The following C6orf52 variants were observed in gnomAD, a reference collection of about 807,000 sequenced individuals.
The protein encoded by C6orf52 is chromosome 6 open reading frame 52, also known as putative uncharacterized protein C6orf52.
A neutral mutation model predicts 16.6 loss-of-function variants in C6orf52; 16 were observed. The ratio of observed to expected loss-of-function variants is 0.96; its 90% CI spans 0.65 to 1.46. The LOEUF is 1.46. Ranked by LOEUF, C6orf52 falls within the 40% of genes most tolerant of loss-of-function variation. The probability of loss-of-function intolerance (pLI) is 0.00; values close to 1 mark genes in which losing one functional copy is unlikely to be tolerated. For missense variants in C6orf52, 166 were observed against 182.3 expected (o/e 0.91, Z 0.52); for synonymous variants, 53 against 61.4 (o/e 0.86, Z 0.64).
chr6:10,683,465 C>A (rs992504779), intron 3 of C6orf52, among the ~76,000 whole-genome samples: 2 of 152,154 alleles, frequency 1.3e-5, no homozygotes, highest in African/African-American at 4.8e-5. Flanking sequence ...CAAAGAGGAA[C>A]AAGCCTAACG....
chr6:10,694,196 G>A lies in C6orf52; in HGVS notation c.-12+298C>T, dbSNP rs1392709763. 2.7e-5 allele frequency among the ~76,000 whole-genome samples: 4 copies of A among 150,336 alleles called. No individual in the cohort carries two copies. The East Asian group carries it at 5.9e-4, about 22-fold the overall frequency. On this transcript the variant is annotated intron_variant, in intron 1 of 4. Transcript: ENST00000259983. ...AATTGCTTGAACCCGGGAGGCAGAG[G>A]TTGCGGTGAGCCGAAATCGCGCCAC...
rs1015089377 is a variant in C6orf52, at chr6:10,671,482, C to T, written c.433G>A (p.Glu145Lys). ...CACTTCGGGGTCTCATCTGGGATTT[C>T]GGAGTGAACTGTGTCCAGAGGCTGC... ...HWQPLDTVHS[E>K]IPDETPK The change falls in exon 5 of 5, where the codon GAA becomes AAA. Residue 145 changes from glutamate to lysine, a missense_variant. Transcript: ENST00000259983. 9 of 1,546,438 alleles carry T rather than the reference C, an allele frequency of 5.8e-6. No individual in the cohort carries two copies. The highest frequency in any genetic ancestry group is 2.8e-5 in the African/African-American group (2 of 72,558).
intron 3 of C6orf52, chr6:10,684,914 C>T: frequency 7.8e-7 from 1 of 1,285,342 alleles, no homozygotes; most frequent in Non-Finnish European, 1.0e-6. Flanking sequence ...GCAGATGGCA[C>T]AGGGGGTCAC....
chr6:10,692,913 G>A (rs1769470819), intron 1 of C6orf52, among the ~76,000 whole-genome samples: 1 of 152,226 alleles, frequency 6.6e-6, no homozygotes, highest in Non-Finnish European at 1.5e-5. Flanking sequence ...CTTGAGAAGT[G>A]TTTACATTTG....
chr6:10,690,752 G>C (rs75875830), intron 1 of C6orf52, among the ~76,000 whole-genome samples: 3 of 152,140 alleles, frequency 2.0e-5, no homozygotes, highest in South Asian at 2.1e-4. Context: ...ATATCCTCTC[G>C]TGCTTTAGTG....
intron 1 of C6orf52, among the ~76,000 whole-genome samples, chr6:10,691,115 TATCTC>T (rs1305491152): frequency 1.3e-5 from 2 of 152,218 alleles, no homozygotes; most frequent in Non-Finnish European, 2.9e-5. Flanking sequence ...TCTCCAGACA[TATCTC>T]AGCATTTATA....
chr6:10,676,397 C>A (rs1767883817), intron 4 of C6orf52, among the ~76,000 whole-genome samples: 1 of 152,144 alleles, frequency 6.6e-6, no homozygotes, highest in Admixed American at 6.5e-5. Context: ...AAATCATTTT[C>A]TTTTCTAACA....
intron 4 of C6orf52, among the ~76,000 whole-genome samples, chr6:10,673,084 A>G (rs1767568578): frequency 6.6e-6 from 1 of 152,206 alleles, no homozygotes; most frequent in Non-Finnish European, 1.5e-5. Flanking sequence ...TCTGGTCATA[A>G]AAGTAGATGT....
chr6:10,673,974 T>G (rs957205619), intron 4 of C6orf52, among the ~76,000 whole-genome samples: 1 of 152,214 alleles, frequency 6.6e-6, no homozygotes, highest in African/African-American at 2.4e-5. Context: ...TAGTTTGGGC[T>G]GCTAACAACA....
intron 4 of C6orf52, among the ~76,000 whole-genome samples, chr6:10,679,826 T>C (rs1183446829): frequency 6.6e-6 from 1 of 152,228 alleles, no homozygotes; most frequent in Non-Finnish European, 1.5e-5. Flanking sequence ...ATTTTCCCCG[T>C]TCAGTGCAAT....
At chr6:10,673,971 GGCT>G (rs754086451) in intron 4 of C6orf52, among the ~76,000 whole-genome samples, 1 of 152,014 alleles carries the variant, frequency 6.6e-6, no homozygotes, top group Non-Finnish European at 1.5e-5. Flanking sequence ...CCTTAGTTTG[GGCT>G]GCTAACAACA....
At chr6:10,677,697 C>T (rs1316169345) in intron 4 of C6orf52, among the ~76,000 whole-genome samples, 1 of 151,534 alleles carries the variant, frequency 6.6e-6, no homozygotes, top group Non-Finnish European at 1.5e-5. Flanking sequence ...CTATGCCTGG[C>T]TAATTTTTGT....
intron 3 of C6orf52, chr6:10,685,058 G>T: frequency 6.6e-6 from 2 of 302,948 alleles, no homozygotes; most frequent in South Asian, 3.1e-5. Context: ...TGAGAGAAGG[G>T]GTAGCCAGGT....
chr6:10,681,196 T>C (rs1462507638), intron 4 of C6orf52, among the ~76,000 whole-genome samples: 1 of 152,226 alleles, frequency 6.6e-6, no homozygotes, highest in African/African-American at 2.4e-5. Flanking sequence ...AGGTGGTAGA[T>C]TGTATGTGTC....
chr6:10,692,781 C>T (rs528808925), intron 1 of C6orf52, among the ~76,000 whole-genome samples: 54 of 152,060 alleles, frequency 3.6e-4, no homozygotes, highest in Non-Finnish European at 6.2e-4. Flanking sequence ...GCCTAGGCCT[C>T]GCAAAGTGCT....
intron 3 of C6orf52, among the ~76,000 whole-genome samples, chr6:10,686,602 C>T (rs1240954138): frequency 2.6e-5 from 4 of 152,096 alleles, no homozygotes; most frequent in Non-Finnish European, 5.9e-5. Context: ...TAAAATTTAT[C>T]GAATTATGAT....
Position 10,672,437 on chromosome 6 carries a change from G to A in C6orf52, c.317-839C>T. On this transcript the variant is annotated intron_variant, in intron 4 of 4. Transcript: ENST00000259983. The stretch of plus-strand genomic sequence containing the variant: ...TAACCCCCACAATGTGAAGGCATTT[G>A]GAGATGGGGCCTCTGGGAGGTTAGA... 1.5e-5 allele frequency: 8 copies of A among 533,024 alleles called. No individual in the cohort carries two copies. The South Asian group carries it at 2.2e-4, about 15-fold the overall frequency. The allele number at this position is 533,024 out of a possible 1,614,324, so 33.0% of individuals were successfully genotyped here. A position where few individuals can be genotyped will look rare whatever the true frequency, so the allele number is the denominator to read the frequency against.
upstream of C6orf52, chr6:10,694,791 G>T: frequency 1.8e-6 from 1 of 546,096 alleles, no homozygotes; most frequent in Non-Finnish European, 3.3e-6. Context: ...TCTCTTCTTG[G>T]AAAATCCATG....
chr6:10,683,166 T>C, intron 4 of C6orf52, 21 bp downstream of exon 4: 1 of 1,516,722 alleles, frequency 6.6e-7, no homozygotes, highest in African/African-American at 1.4e-5. Context: ...TCCAACCACT[T>C]CAGCACAAGG....
Sources: gnomAD v4.1 joint callset for allele counts (sites outside exome capture counted in the v4.1 genomes callset) on GRCh38, gnomAD v4.1.1 for gene constraint, MANE v1.5 for transcripts, NCBI Gene and HGNC (gene_info 2026-07-23, HGNC 2026-07-21) for gene names.